Variants in SASS6 observed in about 807,000 individuals in gnomAD.
SASS6 encodes the protein SAS-6 centriolar assembly protein.
SASS6 carries 59 observed loss-of-function variants against 94.9 expected under a neutral mutation model. That is an observed-to-expected ratio of 0.62 (90% CI 0.50 to 0.77). The LOEUF is 0.77. Ranked by LOEUF, SASS6 falls within the 30% of genes least tolerant of loss-of-function variation. The pLI is 0.00. For missense variants in SASS6, 698 were observed against 734.1 expected (o/e 0.95, Z 0.57); for synonymous variants, 264 against 270.0 (o/e 0.98, Z 0.22).
intron 14 of SASS6, among the ~76,000 whole-genome samples, chr1:100,095,113 C>T (rs548832325): frequency 1.3e-5 from 2 of 152,150 alleles, no homozygotes; most frequent in Non-Finnish European, 2.9e-5. Context: ...ATAAAACTCC[C>T]TTATTCTGAA....
At chr1:100,087,183 T>C (rs1249396812) in intron 15 of SASS6, among the ~76,000 whole-genome samples, 1 of 151,560 alleles carries the variant, frequency 6.6e-6, no homozygotes, top group African/African-American at 2.4e-5. Flanking sequence ...AGTTTCACCA[T>C]GTTGGCCAGG....
chr1:100,125,706 T>C (rs890297943), intron 2 of SASS6, among the ~76,000 whole-genome samples, 176 bp downstream of exon 2: 2 of 151,264 alleles, frequency 1.3e-5, no homozygotes, highest in Non-Finnish European at 2.9e-5. Context: ...TATAGTATAA[T>C]TATCCTTCAG....
At chr1:100,085,477 C>T (rs762076447) in intron 16 of SASS6, 43 bp from the exon 17 acceptor site, 2 of 1,557,630 alleles carry the variant, frequency 1.3e-6, no homozygotes, top group South Asian at 2.2e-5. Context: ...TTCATTAAGT[C>T]TTCATACATT....
Position 100,085,053 on chromosome 1 carries a change from T to A in SASS6, c.*275A>T. On this transcript the variant is annotated 3_prime_UTR_variant, in exon 17 of 17. Transcript: ENST00000287482. ...GATCAACTCTTTCCTTAGAACTGAA[T>A]TTCTAAAGAATAGCTTAATAAAATT... The A allele has an allele frequency of 3.1e-6, 1 of 323,846 alleles. No individual in the cohort carries two copies. The highest frequency in any genetic ancestry group is 5.7e-6 in the Non-Finnish European group (1 of 174,608). 20.1% of individuals were successfully genotyped at this position (323,846 alleles called of 1,614,324 possible).
rs1288441890 is a variant in SASS6, at chr1:100,121,440, G to C, written c.421C>G (p.Leu141Val). Reference protein sequence around the residue: ...FKHLTHLSLKLLPGNDVEIKK... With the variant: ...FKHLTHLSLKVLPGNDVEIKK... ...ATCTCCACATCATTTCCAGGTAAAA[G>C]TTTTAGTGAGAGGTGTGTAAGATGC... The change falls in exon 5 of 17, where the codon CTT becomes GTT. Residue 141 changes from leucine to valine, a missense_variant. Coordinates refer to ENST00000287482, the MANE Select transcript of SASS6 (RefSeq NM_194292.3). The C allele has an allele frequency of 6.2e-7, 1 of 1,602,462 alleles. No individual in the cohort carries two copies. The highest frequency in any genetic ancestry group is 1.1e-5 in the South Asian group (1 of 88,506).
chr1:100,107,227 C>A, intron 11 of SASS6, 147 bp downstream of exon 11: 2 of 612,466 alleles, frequency 3.3e-6, no homozygotes, highest in Admixed American at 3.2e-5. Flanking sequence ...CAAACTGAAA[C>A]AGGTTATTAC....
chr1:100,114,892 G>T (rs770028454), intron 7 of SASS6, among the ~76,000 whole-genome samples: 1 of 152,052 alleles, frequency 6.6e-6, no homozygotes, highest in South Asian at 2.1e-4. Context: ...GAAAAATGAC[G>T]TAATTATTTG....
At chr1:100,091,689 C>T (rs1024915975) in intron 14 of SASS6, among the ~76,000 whole-genome samples, 2 of 133,984 alleles carry the variant, frequency 1.5e-5, no homozygotes, top group African/African-American at 2.8e-5. Context: ...AGAAAAAAAC[C>T]GCTGAATGGG....
In SASS6 at chr1:100,107,372, A is replaced by G; in HGVS notation, c.1326+2T>C. The G allele has an allele frequency of 6.4e-7, 1 of 1,558,536 alleles. No individual in the cohort carries two copies. The highest frequency in any genetic ancestry group is 8.7e-7 in the Non-Finnish European group (1 of 1,146,500). On this transcript the variant is annotated splice_donor_variant, in intron 11 of 16. Transcript: ENST00000287482. LOFTEE classifies it high-confidence loss of function. ...AACATAAAAATTTAAAATATTAACT[A>G]CCTCTTGCTCTTTAATTCGAAGAGA...
At position 100,086,306 on chromosome 1, in the gene SASS6, G is replaced by A. The variant is rs1049093737; in HGVS notation, c.1773-676C>T. On this transcript the variant is annotated intron_variant, in intron 15 of 16. Transcript: ENST00000287482. ...ACCCAATTTTCAGAAATAAGTGGGT[G>A]AACAGACTTTTTTTCTATTTTATTT... Among the ~76,000 whole-genome samples the A allele has an allele frequency of 2.0e-5, 3 of 152,188 alleles. No individual in the cohort carries two copies. The East Asian group carries it at 5.8e-4, about 29-fold the overall frequency.
In SASS6 at chr1:100,107,932, C is replaced by T. The variant is rs771055488; in HGVS notation, c.934G>A (p.Glu312Lys). ...ENSTLDVECHEKEKHVNQLQT... is the reference protein window; with the variant it reads ...ENSTLDVECHKKEKHVNQLQT... ...AGCTGATTAACGTGCTTTTCTTTCT[C>T]GTGGCATTCAACATCTAGTGTAGAA... The change falls in exon 9 of 17, where the codon GAG becomes AAG. Residue 312 changes from glutamate (E) to lysine (K), a missense_variant. Glu to Lys is a moderately conservative substitution (Grantham distance 56, BLOSUM62 1). Transcript: ENST00000287482. 5 of 1,612,610 alleles carry T rather than the reference C, an allele frequency of 3.1e-6. No individual in the cohort carries two copies. Among genetic ancestry groups the T allele is most frequent in the East Asian group, 2.2e-5 (1 of 44,786 alleles).
At chr1:100,087,914 C>T (rs1411778224) in intron 15 of SASS6, among the ~76,000 whole-genome samples, 3 of 152,060 alleles carry the variant, frequency 2.0e-5, no homozygotes, top group African/African-American at 7.2e-5. Context: ...CTAAGCACAT[C>T]CCACATTAAA....
intron 11 of SASS6, 22 bp downstream of exon 11, chr1:100,107,352 A>G: frequency 6.7e-7 from 1 of 1,487,730 alleles, no homozygotes; most frequent in South Asian, 1.2e-5. Flanking sequence ...GTTACAACAT[A>G]AAAATTTAAA....
In SASS6 at chr1:100,085,083, T is replaced by C. The variant is rs1651139892; in HGVS notation, c.*245A>G. ...AAAGAATAGCTTAATAAAATTCATA[T>C]TATTCTATAAAACGCCATGTTCACA... On this transcript the variant is annotated 3_prime_UTR_variant, in exon 17 of 17. Transcript: ENST00000287482. 1 of 421,178 alleles carries C rather than the reference T, an allele frequency of 2.4e-6. No homozygotes were observed. Among genetic ancestry groups the C allele is most frequent in the African/African-American group, 2.0e-5 (1 of 50,454 alleles). The allele number at this position is 421,178 out of a possible 1,614,324, so 26.1% of individuals were successfully genotyped here.
chr1:100,104,065 G>C (rs527907512), intron 13 of SASS6, among the ~76,000 whole-genome samples: 5 of 152,298 alleles, frequency 3.3e-5, no homozygotes, highest in African/African-American at 1.2e-4. Context: ...CTGTGGATTG[G>C]AAGCTACTGG....
chr1:100,131,595 A>G (rs1655033485), intron 1 of SASS6, among the ~76,000 whole-genome samples: 1 of 152,186 alleles, frequency 6.6e-6, no homozygotes, highest in South Asian at 2.1e-4. Flanking sequence ...TAATAACCAC[A>G]TGTGGCTAGT....
In SASS6 at chr1:100,109,296, G is replaced by A. The variant is rs571888631; in HGVS notation, c.861+996C>T. On this transcript the variant is annotated intron_variant, in intron 8 of 16. Transcript: ENST00000287482. ...CTTTAGAGCTTCTAAGCATGAGACT[G>A]GTAAAATAGAGTTTGAAGTCTTGTG... 2.0e-5 allele frequency among the ~76,000 whole-genome samples: 3 copies of A among 152,128 alleles called. No individual in the cohort carries two copies. The South Asian group carries it at 6.2e-4, about 32-fold the overall frequency.
intron 5 of SASS6, 48 bp downstream of exon 5, chr1:100,121,330 C>T (rs1654180139): frequency 9.1e-7 from 1 of 1,093,234 alleles, no homozygotes; most frequent in Non-Finnish European, 1.3e-6. Context: ...TTATCAAAGA[C>T]CATTGATACT....
At chr1:100,101,392 G>GCTC (rs1432041964) in intron 14 of SASS6, among the ~76,000 whole-genome samples, 1 of 151,322 alleles carries the variant, frequency 6.6e-6, no homozygotes, top group Non-Finnish European at 1.5e-5. Context: ...CACCGATACA[G>GCTC]GAAACACTGA....
Sources: allele counts gnomAD v4.1 joint callset (sites outside exome capture counted in the v4.1 genomes callset), GRCh38; gene constraint gnomAD v4.1.1; transcripts MANE v1.5; gene names NCBI Gene and HGNC (gene_info 2026-07-23, HGNC 2026-07-21).